Variants in PKHD1 observed in about 807,000 individuals in gnomAD.
PKHD1 encodes PKHD1 ciliary IPT domain containing fibrocystin/polyductin, also known as fibrocystin.
A neutral mutation model predicts 412.0 loss-of-function variants in PKHD1; 291 were observed. That is an observed-to-expected ratio of 0.71 (90% CI 0.64 to 0.78). The LOEUF is 0.78. Among genes scored for constraint, PKHD1 ranks in the 30% least tolerant of loss-of-function variants. The pLI is 0.00. For missense variants in PKHD1, 4,825 were observed against 4,950.7 expected (o/e 0.97, Z 0.76); for synonymous variants, 1,777 against 1,821.5 (o/e 0.98, Z 0.62).
At chr6:51,797,222 T>C (rs1395960794) in intron 52 of PKHD1, among the ~76,000 whole-genome samples, 2 of 152,234 alleles carry the variant, frequency 1.3e-5, no homozygotes, top group African/African-American at 2.4e-5. Flanking sequence ...CTTCCAATTA[T>C]ATGATCAATT....
intron 55 of PKHD1, among the ~76,000 whole-genome samples, chr6:51,760,955 G>A (rs1787901723): frequency 6.6e-6 from 1 of 152,098 alleles, no homozygotes; most frequent in African/African-American, 2.4e-5. Flanking sequence ...AGGATGGAAA[G>A]AGAAGAGAAC....
chr6:51,868,026 A>G lies in PKHD1; in HGVS notation c.7570T>C (p.Leu2524=). 1.2e-6 allele frequency: 2 copies of G among 1,612,760 alleles called. No individual in the cohort carries two copies. Among genetic ancestry groups the G allele is most frequent in the African/African-American group, 1.3e-5 (1 of 75,016 alleles). ...GACAGAGACCCATCCAAGTCTTCCAAAATTGCTGCATGAGGAAATGGAAAT... is the reference window on the plus strand; with the variant it reads ...GACAGAGACCCATCCAAGTCTTCCAGAATTGCTGCATGAGGAAATGGAAAT... The part of the protein sequence containing the change: ...VAFPFPHAAI[L]EDLDGSLSGK... Residue 2524 remains leucine (L), a synonymous_variant, in exon 48 of 67, where the codon TTG becomes CTG. Transcript: ENST00000371117.
chr6:51,692,142 A>T (rs1008336858), intron 60 of PKHD1, among the ~76,000 whole-genome samples: 1 of 151,990 alleles, frequency 6.6e-6, no homozygotes, highest in Non-Finnish European at 1.5e-5. Flanking sequence ...CCAATCTCTC[A>T]ACCTTCATTC....
intron 60 of PKHD1, among the ~76,000 whole-genome samples, chr6:51,671,820 G>A (rs568396082): frequency 6.6e-6 from 1 of 152,272 alleles, no homozygotes; most frequent in Non-Finnish European, 1.5e-5. Flanking sequence ...TGAGGTGTCA[G>A]TCTGCTCCTG....
intron 52 of PKHD1, among the ~76,000 whole-genome samples, chr6:51,810,187 T>C (rs923468390): frequency 6.6e-6 from 1 of 152,236 alleles, no homozygotes; most frequent in Admixed American, 6.6e-5. Context: ...AAAAATTGAT[T>C]TGGGGTCTTG....
chr6:51,700,123 T>C (rs1779259101), intron 60 of PKHD1, among the ~76,000 whole-genome samples: 1 of 152,054 alleles, frequency 6.6e-6, no homozygotes, highest in African/African-American at 2.4e-5. Flanking sequence ...AATTCTGATT[T>C]AATAACAATG....
chr6:51,795,392 T>C (rs1166632645), intron 52 of PKHD1, among the ~76,000 whole-genome samples: 1 of 152,230 alleles, frequency 6.6e-6, no homozygotes, highest in East Asian at 1.9e-4. Flanking sequence ...CCTGAGATTT[T>C]GCTGAAGTTG....
intron 11 of PKHD1, among the ~76,000 whole-genome samples, chr6:52,067,109 T>C (rs936380198): frequency 5.3e-5 from 8 of 151,972 alleles, no homozygotes; most frequent in Non-Finnish European, 1.0e-4. Flanking sequence ...CCCTGAAAAA[T>C]AGACATTTTA....
chr6:51,882,267 G>A (rs919518834), intron 46 of PKHD1, among the ~76,000 whole-genome samples: 2 of 152,058 alleles, frequency 1.3e-5, no homozygotes, highest in African/African-American at 4.8e-5. Flanking sequence ...AAAAAAACTG[G>A]CACTTATTTA....
intron 50 of PKHD1, among the ~76,000 whole-genome samples, chr6:51,842,740 T>C (rs780300347): frequency 5.9e-5 from 9 of 152,092 alleles, no homozygotes; most frequent in Non-Finnish European, 1.0e-4. Flanking sequence ...CAAGTGGCCA[T>C]TGTGAGTGGA....
rs200391019 is a variant in PKHD1, at chr6:52,024,940, G to A, written c.4870C>T (p.Arg1624Trp). The A allele has an allele frequency of 9.7e-5, 157 of 1,614,068 alleles. No individual in the cohort carries two copies. Among genetic ancestry groups the A allele is most frequent in the Middle Eastern group, 4.9e-4 (3 of 6,084 alleles). ...CCATTCCCTGTGGGAACAATGCACC[G>A]GATGAGCTCAGCACCGATGTTCACC... The part of the protein sequence containing the change: ...LTVNIGAELI[R>W]CIVPTGNGSV... Residue 1624 changes from arginine to tryptophan, a missense_variant, in exon 32 of 67, where the codon CGG (arginine) becomes TGG (tryptophan). Coordinates refer to ENST00000371117, the MANE Select transcript of PKHD1 (RefSeq NM_138694.4).
chr6:51,818,219 A>C (rs1365377026), intron 52 of PKHD1, among the ~76,000 whole-genome samples: 1 of 152,200 alleles, frequency 6.6e-6, no homozygotes, highest in East Asian at 1.9e-4. Context: ...TAATGCAGCC[A>C]AAACAAAAGG....
chr6:51,979,005 A>T (rs1794802218), intron 35 of PKHD1, among the ~76,000 whole-genome samples: 3 of 152,202 alleles, frequency 2.0e-5, no homozygotes, highest in Admixed American at 2.0e-4. Flanking sequence ...TTATTTACTT[A>T]GCCATTAATA....
intron 35 of PKHD1, among the ~76,000 whole-genome samples, chr6:51,963,830 A>G (rs1331762812): frequency 6.6e-6 from 1 of 152,154 alleles, no homozygotes; most frequent in Non-Finnish European, 1.5e-5. Flanking sequence ...TTCCGTGTCA[A>G]CAGCCCAGCT....
intron 48 of PKHD1, among the ~76,000 whole-genome samples, chr6:51,861,301 G>C (rs1226839718): frequency 1.3e-5 from 2 of 152,192 alleles, no homozygotes; most frequent in South Asian, 2.1e-4. Flanking sequence ...ATACCAATGA[G>C]AGCAGATATT....
chr6:51,801,654 T>TGTGTGTGTGTGTGTGTGTGTGTGA lies in PKHD1; in HGVS notation c.8303-10282_8303-10281insTCACACACACACACACACACACAC, dbSNP rs751203950. Among the ~76,000 whole-genome samples, 604 of 114,188 alleles carry TGTGTGTGTGTGTGTGTGTGTGTGA rather than the reference T, an allele frequency of 5.3e-3. 4 individuals are homozygous for TGTGTGTGTGTGTGTGTGTGTGTGA. Among genetic ancestry groups the TGTGTGTGTGTGTGTGTGTGTGTGA allele is most frequent in the South Asian group, 0.017 (58 of 3,382 alleles). 74.9% of individuals were successfully genotyped at this position (114,188 alleles called of 152,430 possible). ...GCTGGCCTGATTGTGTGTGTGTGTG[T>TGTGTGTGTGTGTGTGTGTGTGTGA]GAGAGAGAGAGAGAGAGAGAGAGAG... On this transcript the variant is annotated intron_variant, in intron 52 of 66. Coordinates refer to ENST00000371117, the MANE Select transcript of PKHD1 (RefSeq NM_138694.4).
chr6:51,881,861 G>A (rs969388745), intron 46 of PKHD1, among the ~76,000 whole-genome samples: 1 of 152,048 alleles, frequency 6.6e-6, no homozygotes, highest in African/African-American at 2.4e-5. Context: ...TTTCCACCAG[G>A]GGACTCTTGT....
At chr6:51,839,705 T>G (rs1040076351) in intron 50 of PKHD1, among the ~76,000 whole-genome samples, 1 of 152,158 alleles carries the variant, frequency 6.6e-6, no homozygotes, top group African/African-American at 2.4e-5. Flanking sequence ...AAGCACCCAT[T>G]TATTTAAAAA....
At chr6:51,666,299 A>G (rs533174882) in intron 60 of PKHD1, among the ~76,000 whole-genome samples, 4 of 152,306 alleles carry the variant, frequency 2.6e-5, no homozygotes, top group African/African-American at 9.6e-5. Flanking sequence ...AAATCTAGGG[A>G]AAGGTAATAC....
Sources: gnomAD v4.1 joint callset for allele counts (sites outside exome capture counted in the v4.1 genomes callset) on GRCh38, gnomAD v4.1.1 for gene constraint, MANE v1.5 for transcripts, NCBI Gene and HGNC (gene_info 2026-07-23, HGNC 2026-07-21) for gene names.